SLC24A2: variants seen among roughly 807,000 people sequenced by gnomAD.
SLC24A2 encodes solute carrier family 24 member 2.
A neutral mutation model predicts 62.0 loss-of-function variants in SLC24A2; 36 were observed. The ratio of observed to expected loss-of-function variants is 0.58; its 90% CI spans 0.44 to 0.77. SLC24A2 has a LOEUF of 0.77. SLC24A2 is among the 30% of genes least tolerant of loss of function. SLC24A2 has a pLI of 0.00. For synonymous variants in SLC24A2, 358 were observed against 294.0 expected (o/e 1.22, Z -2.23); for missense variants, 846 against 817.9 (o/e 1.03, Z -0.42).
intron 2 of SLC24A2, among the ~76,000 whole-genome samples, chr9:19,780,962 A>C (rs1180557054): frequency 6.6e-6 from 1 of 152,048 alleles, no homozygotes; most frequent in Non-Finnish European, 1.5e-5. Flanking sequence ...AAAGGCAAGA[A>C]AAAATTCTAA....
chr9:20,076,766 G>T, the SLC24A2 span, among the ~76,000 whole-genome samples: 74 of 151,412 alleles, frequency 4.9e-4, no homozygotes, highest in African/African-American at 1.7e-3. Context: ...TAGTTAGATT[G>T]TTTCCGTATC....
chr9:19,757,377 T>C (rs1216129043), intron 2 of SLC24A2, among the ~76,000 whole-genome samples: 2 of 152,190 alleles, frequency 1.3e-5, no homozygotes, highest in African/African-American at 2.4e-5. Context: ...TTCATAAAGT[T>C]AGTTGCCAAG....
chr9:20,064,743 C>A, the SLC24A2 span, among the ~76,000 whole-genome samples: 2 of 152,148 alleles, frequency 1.3e-5, no homozygotes, highest in African/African-American at 4.8e-5. Flanking sequence ...GCACCCACCG[C>A]TGAAGCTGAA....
the SLC24A2 span, among the ~76,000 whole-genome samples, chr9:20,077,414 T>C: frequency 1.3e-5 from 2 of 152,172 alleles, no homozygotes; most frequent in Non-Finnish European, 2.9e-5. Context: ...CAAATATACA[T>C]AATACAATTT....
At chr9:20,002,235 C>T in the SLC24A2 span, among the ~76,000 whole-genome samples, 10 of 152,104 alleles carry the variant, frequency 6.6e-5, no homozygotes, top group South Asian at 6.2e-4. Flanking sequence ...TCTGTGTCTA[C>T]GTAGGCTGTT....
At chr9:20,067,852 C>T in the SLC24A2 span, among the ~76,000 whole-genome samples, 1 of 152,056 alleles carries the variant, frequency 6.6e-6, no homozygotes, top group East Asian at 1.9e-4. Context: ...AATATATCAG[C>T]ATATGTGTCT....
the SLC24A2 span, among the ~76,000 whole-genome samples, chr9:20,270,856 A>G: frequency 6.6e-6 from 1 of 152,246 alleles, no homozygotes; most frequent in African/African-American, 2.4e-5. Context: ...AATATTTTTC[A>G]GAAAGCATTT....
chr9:20,068,488 C>A, the SLC24A2 span, among the ~76,000 whole-genome samples: 2 of 152,116 alleles, frequency 1.3e-5, no homozygotes, highest in East Asian at 3.9e-4. Context: ...GATTGTTACC[C>A]AATCCTAATC....
chr9:20,190,081 G>A, the SLC24A2 span, among the ~76,000 whole-genome samples: 2 of 152,114 alleles, frequency 1.3e-5, no homozygotes, highest in Non-Finnish European at 2.9e-5. Flanking sequence ...CGGTTCCCTG[G>A]GAGAGTTTGC....
chr9:19,620,053 T>A (rs1414874852), intron 3 of SLC24A2, among the ~76,000 whole-genome samples: 3 of 152,192 alleles, frequency 2.0e-5, no homozygotes, highest in African/African-American at 4.8e-5. Flanking sequence ...TGAAATGAGG[T>A]GCCCAAGTCA....
chr9:20,307,663 G>A, the SLC24A2 span, among the ~76,000 whole-genome samples: 1 of 152,170 alleles, frequency 6.6e-6, no homozygotes, highest in African/African-American at 2.4e-5. Flanking sequence ...TGCTTAAAGA[G>A]ATGACTTTCT....
At chr9:19,951,084 G>T in the SLC24A2 span, among the ~76,000 whole-genome samples, 1 of 152,174 alleles carries the variant, frequency 6.6e-6, no homozygotes, top group Non-Finnish European at 1.5e-5. Context: ...CCTCCATCAG[G>T]CCTTTGATGA....
chr9:19,955,279 T>C, the SLC24A2 span, among the ~76,000 whole-genome samples: 17 of 152,158 alleles, frequency 1.1e-4, no homozygotes, highest in African/African-American at 1.4e-4. Context: ...ATACTATTCA[T>C]GTTGGAGTGA....
chr9:20,120,133 C>G, the SLC24A2 span, among the ~76,000 whole-genome samples: 2 of 152,188 alleles, frequency 1.3e-5, no homozygotes, highest in African/African-American at 4.8e-5. Flanking sequence ...TCTTCACACA[C>G]AAGTATTTTT....
the SLC24A2 span, among the ~76,000 whole-genome samples, chr9:20,258,608 G>T: frequency 2.6e-5 from 4 of 152,192 alleles, no homozygotes; most frequent in Admixed American, 2.6e-4. Context: ...CATACCAGCA[G>T]CCCATGGGCC....
intron 7 of SLC24A2, among the ~76,000 whole-genome samples, chr9:19,572,561 G>A (rs1214298615): frequency 1.3e-5 from 2 of 152,112 alleles, no homozygotes; most frequent in African/African-American, 4.8e-5. Context: ...GGTAAGACAT[G>A]CTTGCTTCCC....
At chr9:19,521,585 GT>G (rs1833201946) in intron 9 of SLC24A2, among the ~76,000 whole-genome samples, 1 of 152,188 alleles carries the variant, frequency 6.6e-6, no homozygotes, top group Admixed American at 6.5e-5. Context: ...GGTGTTTCGG[GT>G]TTTGGTAACA....
chr9:19,578,230 T>C (rs375399127), intron 5 of SLC24A2, among the ~76,000 whole-genome samples: 1 of 151,932 alleles, frequency 6.6e-6, no homozygotes, highest in Non-Finnish European at 1.5e-5. Context: ...CAATAACTTA[T>C]GGAAACATAA....
At chr9:19,836,519 C>G in the SLC24A2 span, among the ~76,000 whole-genome samples, 1 of 152,198 alleles carries the variant, frequency 6.6e-6, no homozygotes, top group East Asian at 1.9e-4. Flanking sequence ...CCTCCCAAGA[C>G]TAAGCCAGGA....
Sources: gnomAD v4.1 joint callset for allele counts (sites outside exome capture counted in the v4.1 genomes callset) on GRCh38, gnomAD v4.1.1 for gene constraint, MANE v1.5 for transcripts, NCBI Gene and HGNC (gene_info 2026-07-23, HGNC 2026-07-21) for gene names.